KCND3: variants seen among roughly 807,000 people sequenced by gnomAD.
KCND3 encodes the protein A-type voltage-gated potassium channel KCND3.
Under a neutral mutation model 51.1 loss-of-function variants are expected in KCND3, and 9 were observed. The observed-to-expected ratio is 0.18, with a 90% CI of 0.11 to 0.31. The LOEUF is 0.31. Ranked by LOEUF, KCND3 falls within the 10% of genes least tolerant of loss-of-function variation. KCND3 has a pLI of 1.00. For missense variants in KCND3, 526 were observed against 903.8 expected, an observed-to-expected ratio of 0.58 and a Z score of 5.36; for synonymous variants, 349 against 368.0, an observed-to-expected ratio of 0.95 and a Z score of 0.59.
intron 2 of KCND3, among the ~76,000 whole-genome samples, chr1:111,868,967 G>A (rs1417222368): frequency 1.3e-5 from 2 of 152,062 alleles, no homozygotes; most frequent in African/African-American, 2.4e-5. Context: ...AACGTAACTG[G>A]TTTCATCCCA....
chr1:111,809,869 C>T (rs1284140817), intron 2 of KCND3, among the ~76,000 whole-genome samples: 2 of 152,192 alleles, frequency 1.3e-5, no homozygotes, highest in Non-Finnish European at 2.9e-5. Flanking sequence ...GATGAAATTT[C>T]TCTTGATGGC....
At chr1:111,799,419 A>G (rs1432987904) in intron 2 of KCND3, among the ~76,000 whole-genome samples, 1 of 152,184 alleles carries the variant, frequency 6.6e-6, no homozygotes. Context: ...AAACAAATGG[A>G]GTTTCTAGAA....
At chr1:111,825,944 A>T (rs1666550519) in intron 2 of KCND3, among the ~76,000 whole-genome samples, 1 of 152,228 alleles carries the variant, frequency 6.6e-6, no homozygotes, top group South Asian at 2.1e-4. Flanking sequence ...TTTGAATGAG[A>T]CTATTTTGCT....
At chr1:111,806,071 T>A (rs1214421901) in intron 2 of KCND3, among the ~76,000 whole-genome samples, 1 of 152,176 alleles carries the variant, frequency 6.6e-6, no homozygotes, top group Admixed American at 6.5e-5. Context: ...CCAGGCACCC[T>A]CTGCTCTGAG....
At chr1:111,882,411 T>G (rs1287520186) in intron 2 of KCND3, among the ~76,000 whole-genome samples, 1 of 152,238 alleles carries the variant, frequency 6.6e-6, no homozygotes, top group African/African-American at 2.4e-5. Flanking sequence ...GACCTGCTGC[T>G]GGTCTTCCCT....
At chr1:111,936,305 C>T (rs940424430) in intron 2 of KCND3, among the ~76,000 whole-genome samples, 5 of 152,076 alleles carry the variant, frequency 3.3e-5, no homozygotes, top group Non-Finnish European at 7.4e-5. Context: ...GCAGAGGGCT[C>T]CCCAGGGAGG....
intron 2 of KCND3, among the ~76,000 whole-genome samples, chr1:111,925,887 T>G (rs1671673877): frequency 1.3e-5 from 2 of 152,114 alleles, no homozygotes; most frequent in Non-Finnish European, 2.9e-5. Context: ...CTAGGCATCC[T>G]TCCCCCGACA....
rs374567680 is a variant in KCND3 at position 111,943,292 on chromosome 1, G to C, written c.1106+38329C>G. On this transcript the variant is annotated intron_variant, in intron 2 of 7. Transcript: ENST00000302127. ...GGCAGAGGGGCCCTGGCCCCCACCT[G>C]TTTCCACTCAGCTCCTTCTCCATGG... Among the ~76,000 whole-genome samples the C allele has an allele frequency of 2.4e-4, 36 of 152,296 alleles. No homozygotes were observed. In the South Asian group the frequency reaches 7.1e-3, roughly 30 times the overall value.
chr1:111,793,079 G>T (rs890375509), intron 2 of KCND3, among the ~76,000 whole-genome samples: 1 of 151,656 alleles, frequency 6.6e-6, no homozygotes, highest in African/African-American at 2.4e-5. Flanking sequence ...TGCCCAGGCT[G>T]GTCTAGAACT....
chr1:111,858,710 C>A (rs1668203747), intron 2 of KCND3, among the ~76,000 whole-genome samples: 2 of 152,132 alleles, frequency 1.3e-5, no homozygotes, highest in South Asian at 4.1e-4. Context: ...CCCAGGACAA[C>A]CCTCAGTCCC....
chr1:111,917,065 A>C (rs1003240081), intron 2 of KCND3, among the ~76,000 whole-genome samples: 1 of 152,230 alleles, frequency 6.6e-6, no homozygotes, highest in Non-Finnish European at 1.5e-5. Context: ...ATCTCAAAAG[A>C]TGTATAAAAA....
chr1:111,821,417 C>G (rs1666342979), intron 2 of KCND3, among the ~76,000 whole-genome samples: 1 of 152,104 alleles, frequency 6.6e-6, no homozygotes, highest in South Asian at 2.1e-4. Flanking sequence ...AGCTCAGAGG[C>G]CTTGAGTGCA....
chr1:111,949,177 A>C (rs1325365852), intron 2 of KCND3, among the ~76,000 whole-genome samples: 1 of 152,228 alleles, frequency 6.6e-6, no homozygotes, highest in Non-Finnish European at 1.5e-5. Flanking sequence ...AGAAAGTAGG[A>C]TGATAGTTCT....
chr1:111,770,751 A>G lies in KCND3; in HGVS notation c.*5326T>C, dbSNP rs1663884070. On this transcript the variant is annotated 3_prime_UTR_variant, in exon 8 of 8. Coordinates refer to ENST00000302127, the MANE Select transcript of KCND3 (RefSeq NM_001378969.1). ...CACGACTCAATACTGTAAATGATAT[A>G]CATGTTTTAACATATGCACTACAGT... The G allele has an allele frequency of 6.6e-6, 1 of 152,138 alleles. No homozygotes were observed. Among genetic ancestry groups the G allele is most frequent in the Admixed American group, 6.5e-5 (1 of 15,274 alleles). The allele number at this position is 152,138 out of a possible 1,614,324, so 9.4% of individuals were successfully genotyped here.
intron 2 of KCND3, among the ~76,000 whole-genome samples, chr1:111,972,457 C>T (rs1052932258): frequency 1.3e-5 from 2 of 152,168 alleles, no homozygotes; most frequent in African/African-American, 4.8e-5. Context: ...CAGGCGTGAG[C>T]CCCCGCGCCC....
chr1:111,896,703 TG>T (rs1490046508), intron 2 of KCND3, among the ~76,000 whole-genome samples: 1 of 152,152 alleles, frequency 6.6e-6, no homozygotes, highest in Admixed American at 6.5e-5. Context: ...AACTCTACAG[TG>T]TCAGGCCAAG....
chr1:111,840,390 C>A (rs1372616709), intron 2 of KCND3, among the ~76,000 whole-genome samples: 1 of 152,122 alleles, frequency 6.6e-6, no homozygotes, highest in Non-Finnish European at 1.5e-5. Context: ...GAACTCCCTG[C>A]AAGCATTCTT....
At chr1:111,798,724 A>G (rs1009408997) in intron 2 of KCND3, among the ~76,000 whole-genome samples, 1 of 151,496 alleles carries the variant, frequency 6.6e-6, no homozygotes, top group African/African-American at 2.4e-5. Flanking sequence ...ATGGGCACTC[A>G]AGACATCTGT....
At chr1:111,965,381 G>T (rs1673909852) in intron 2 of KCND3, among the ~76,000 whole-genome samples, 1 of 147,600 alleles carries the variant, frequency 6.8e-6, no homozygotes, top group African/African-American at 2.5e-5. Flanking sequence ...GTCAACAATG[G>T]CCCAGGTTAC....
Sources: allele counts gnomAD v4.1 joint callset (sites outside exome capture counted in the v4.1 genomes callset), GRCh38; gene constraint gnomAD v4.1.1; transcripts MANE v1.5; gene names NCBI Gene and HGNC (gene_info 2026-07-23, HGNC 2026-07-21).